The following GRIK2 variants were observed in gnomAD, a reference collection of about 807,000 sequenced individuals.
GRIK2 encodes glutamate receptor ionotropic, kainate 2.
In GRIK2, 32 loss-of-function variants were observed where a neutral mutation model predicts 100.3. That is an observed-to-expected ratio of 0.32 (90% CI 0.24 to 0.43). GRIK2 has a LOEUF of 0.43. Among genes scored for constraint, GRIK2 ranks in the 20% least tolerant of loss-of-function variants. The pLI, the probability that GRIK2 is intolerant of heterozygous loss-of-function variation, is 1.00. For synonymous variants in GRIK2, 417 were observed against 389.4 expected (o/e 1.07, Z -0.83); for missense variants, 843 against 1,114.9 (o/e 0.76, Z 3.47).
chr6:101,654,017 G>A (rs907204235), intron 4 of GRIK2, among the ~76,000 whole-genome samples: 2 of 152,124 alleles, frequency 1.3e-5, no homozygotes, highest in African/African-American at 2.4e-5. Context: ...TTTATTTTCT[G>A]TCTCCTCGTT....
At chr6:101,655,753 T>C (rs907724246) in intron 4 of GRIK2, among the ~76,000 whole-genome samples, 3 of 152,084 alleles carry the variant, frequency 2.0e-5, no homozygotes, top group Non-Finnish European at 2.9e-5. Context: ...TGATAGGGAA[T>C]AGGAGTAGGG....
intron 16 of GRIK2, among the ~76,000 whole-genome samples, chr6:102,063,391 G>A (rs1440074669): frequency 1.3e-5 from 2 of 150,614 alleles, no homozygotes; most frequent in African/African-American, 4.8e-5. Flanking sequence ...CTTGACCAAT[G>A]AATACATATA....
intron 7 of GRIK2, among the ~76,000 whole-genome samples, chr6:101,765,786 A>G (rs561138101): frequency 2.0e-5 from 3 of 152,168 alleles, no homozygotes; most frequent in Non-Finnish European, 4.4e-5. Context: ...ACTATTTTAA[A>G]GTAGGGTTTC....
At chr6:101,742,760 G>A (rs1040084675) in intron 7 of GRIK2, among the ~76,000 whole-genome samples, 5 of 152,166 alleles carry the variant, frequency 3.3e-5, no homozygotes, top group Non-Finnish European at 5.9e-5. Flanking sequence ...TGCAGATGAA[G>A]CTTTTAGCTA....
intron 2 of GRIK2, among the ~76,000 whole-genome samples, chr6:101,471,305 A>C (rs1207520778): frequency 1.3e-5 from 2 of 152,044 alleles, no homozygotes; most frequent in African/African-American, 4.8e-5. Flanking sequence ...ACTAATCCTA[A>C]ATTTTAAGAA....
chr6:101,552,523 A>T (rs1448152268), intron 2 of GRIK2, among the ~76,000 whole-genome samples: 1 of 152,168 alleles, frequency 6.6e-6, no homozygotes. Context: ...AGGGTTAGAG[A>T]TGATAATCAC....
rs139161975 is a variant in GRIK2 at position 101,712,492 on chromosome 6, G to A, written c.951+26139G>A. Reference sequence around the variant, plus strand: ...AATATTAACTTTGTCATAAAATGTCGAATATTCATTAGTGTATTTATACAT... The same window carrying A: ...AATATTAACTTTGTCATAAAATGTCAAATATTCATTAGTGTATTTATACAT... On this transcript the variant is annotated intron_variant, in intron 7 of 16. Transcript: ENST00000369134. Among the ~76,000 whole-genome samples the A allele has an allele frequency of 7.8e-3, 1,188 of 151,856 alleles. 5 individuals are homozygous for A. The highest frequency in any genetic ancestry group is 0.024 in the Middle Eastern group (7 of 294).
At chr6:101,882,222 A>C (rs1235847138) in intron 11 of GRIK2, among the ~76,000 whole-genome samples, 1 of 152,158 alleles carries the variant, frequency 6.6e-6, no homozygotes, top group East Asian at 1.9e-4. Flanking sequence ...TTGGGTGGGG[A>C]CACAGCCAAA....
intron 9 of GRIK2, 57 bp downstream of exon 9, chr6:101,802,495 C>T (rs1357080281): frequency 9.0e-6 from 6 of 667,866 alleles, no homozygotes; most frequent in Middle Eastern, 2.6e-4. Context: ...TCAAAGAAGA[C>T]AAATATTCTC....
At chr6:101,395,340 G>A (rs574852791) in intron 1 of GRIK2, among the ~76,000 whole-genome samples, 4 of 152,296 alleles carry the variant, frequency 2.6e-5, no homozygotes, top group Admixed American at 1.3e-4. Flanking sequence ...CAGGACTTCC[G>A]TGACAAGTCA....
chr6:102,010,371 C>A (rs867433100), intron 14 of GRIK2, among the ~76,000 whole-genome samples: 3 of 151,062 alleles, frequency 2.0e-5, no homozygotes, highest in East Asian at 2.0e-4. Flanking sequence ...CTCCTCCCCC[C>A]ACTTCTTCTT....
chr6:101,665,318 T>C (rs1181824111), intron 4 of GRIK2, among the ~76,000 whole-genome samples: 2 of 152,190 alleles, frequency 1.3e-5, no homozygotes, highest in Non-Finnish European at 2.9e-5. Context: ...GACTGCATTC[T>C]GTTCTCCATG....
intron 2 of GRIK2, among the ~76,000 whole-genome samples, chr6:101,557,486 G>T (rs1031005692): frequency 6.6e-6 from 1 of 152,110 alleles, no homozygotes; most frequent in Non-Finnish European, 1.5e-5. Flanking sequence ...TTATTATTTT[G>T]CTACTTAACC....
intron 12 of GRIK2, among the ~76,000 whole-genome samples, chr6:101,907,360 A>G (rs887828481): frequency 2.1e-5 from 3 of 141,788 alleles, no homozygotes; most frequent in Non-Finnish European, 3.1e-5. Context: ...AAATAAACCT[A>G]TGGAGTTCTA....
rs571957250 is a variant in GRIK2, at chr6:101,668,795, G to A, written c.542-7828G>A. Reference sequence around the variant, plus strand: ...GGACTCCCTTCCTGGGGATAGGGTAGTCGAGGCCTGCCGTAGAAGTGGTGT... The same window carrying A: ...GGACTCCCTTCCTGGGGATAGGGTAATCGAGGCCTGCCGTAGAAGTGGTGT... On this transcript the variant is annotated intron_variant, in intron 4 of 16. Coordinates refer to ENST00000369134, the MANE Select transcript of GRIK2 (RefSeq NM_021956.5). Among the ~76,000 whole-genome samples the A allele has an allele frequency of 8.7e-4, 133 of 152,270 alleles. 1 individual carries two copies. The highest frequency in any genetic ancestry group is 1.4e-3 in the Non-Finnish European group (98 of 68,032).
chr6:101,571,571 T>G (rs180855656), intron 2 of GRIK2, among the ~76,000 whole-genome samples: 320 of 152,256 alleles, frequency 2.1e-3, no homozygotes, highest in Middle Eastern at 6.8e-3. Flanking sequence ...TCCCTTTACT[T>G]CTCCAAAATA....
At chr6:102,067,169 C>T (rs1023562047) in intron 16 of GRIK2, among the ~76,000 whole-genome samples, 12 of 151,398 alleles carry the variant, frequency 7.9e-5, no homozygotes, top group African/African-American at 1.5e-4. Context: ...TCATATATAA[C>T]GTGTTTTGAT....
chr6:101,980,462 G>C (rs1041222290), intron 14 of GRIK2, among the ~76,000 whole-genome samples: 5 of 151,848 alleles, frequency 3.3e-5, no homozygotes, highest in Admixed American at 1.3e-4. Flanking sequence ...AGGAATATAA[G>C]AGCAGTATTA....
At chr6:101,967,828 A>G (rs997720328) in intron 14 of GRIK2, among the ~76,000 whole-genome samples, 1 of 152,072 alleles carries the variant, frequency 6.6e-6, no homozygotes, top group Non-Finnish European at 1.5e-5. Context: ...CAGAACAGAA[A>G]ACCAAAATCT....
Sources: gnomAD v4.1 joint callset for allele counts (sites outside exome capture counted in the v4.1 genomes callset) on GRCh38, gnomAD v4.1.1 for gene constraint, MANE v1.5 for transcripts, NCBI Gene and HGNC (gene_info 2026-07-23, HGNC 2026-07-21) for gene names.